ABTB2: variants seen among roughly 807,000 people sequenced by gnomAD.
The protein encoded by ABTB2 is ankyrin repeat and BTB domain containing 2.
ABTB2 carries 56 observed loss-of-function variants against 104.1 expected under a neutral mutation model. The observed-to-expected ratio is 0.54, with a 90% CI of 0.43 to 0.67. The LOEUF (loss-of-function observed/expected upper bound fraction) is 0.67, where lower values mean the gene tolerates loss of function less well. Ranked by LOEUF, ABTB2 falls within the 30% of genes least tolerant of loss-of-function variation. ABTB2 has a pLI of 0.00. For missense variants in ABTB2, 1,279 were observed against 1,407.7 expected (o/e 0.91, Z 1.46); for synonymous variants, 606 against 608.2 (o/e 1.00, Z 0.05).
At chr11:34,230,450 C>A (rs1196483359) in intron 1 of ABTB2, among the ~76,000 whole-genome samples, 1 of 152,022 alleles carries the variant, frequency 6.6e-6, no homozygotes, top group Non-Finnish European at 1.5e-5. Context: ...TTTCGGGGAG[C>A]CCTGAGGGTT....
intron 1 of ABTB2, among the ~76,000 whole-genome samples, chr11:34,225,711 C>T (rs569531577): frequency 2.6e-5 from 4 of 152,078 alleles, no homozygotes; most frequent in Admixed American, 6.5e-5. Flanking sequence ...ACCGAGATCG[C>T]GCCATTGCAC....
chr11:34,170,833 C>T, intron 5 of ABTB2, 73 bp downstream of exon 5: 1 of 1,554,052 alleles, frequency 6.4e-7, no homozygotes, highest in Non-Finnish European at 8.7e-7. Flanking sequence ...GGACAGAGGG[C>T]CGCCAATGCT....
chr11:34,211,678 G>A (rs1251958157), intron 1 of ABTB2, among the ~76,000 whole-genome samples: 1 of 152,030 alleles, frequency 6.6e-6, no homozygotes, highest in African/African-American at 2.4e-5. Flanking sequence ...AGGATCACTT[G>A]AGATCAGGCA....
At chr11:34,225,455 C>A (rs1565145602) in intron 1 of ABTB2, among the ~76,000 whole-genome samples, 1 of 152,228 alleles carries the variant, frequency 6.6e-6, no homozygotes, top group Non-Finnish European at 1.5e-5. Context: ...CTCTTCCCTT[C>A]CCTTAAAAAG....
chr11:34,230,953 C>T (rs1853762208), intron 1 of ABTB2, among the ~76,000 whole-genome samples: 1 of 152,158 alleles, frequency 6.6e-6, no homozygotes, highest in Non-Finnish European at 1.5e-5. Flanking sequence ...TCAGGCAATC[C>T]TCCCGCCTTG....
chr11:34,302,030 C>T (rs1217571627), intron 1 of ABTB2, among the ~76,000 whole-genome samples: 1 of 152,176 alleles, frequency 6.6e-6, no homozygotes, highest in Non-Finnish European at 1.5e-5. Flanking sequence ...CAGGGTATGA[C>T]ATTTGGCAAA....
At chr11:34,187,686 G>T (rs1295181683) in intron 3 of ABTB2, among the ~76,000 whole-genome samples, 7 of 152,026 alleles carry the variant, frequency 4.6e-5, no homozygotes, top group Non-Finnish European at 4.4e-5. Context: ...TAGAGATGGG[G>T]TCTCACTATT....
At chr11:34,317,579 C>T (rs1407533361) in intron 1 of ABTB2, among the ~76,000 whole-genome samples, 1 of 151,764 alleles carries the variant, frequency 6.6e-6, no homozygotes, top group Non-Finnish European at 1.5e-5. Flanking sequence ...TCAAGACCAG[C>T]CTAGGTAACA....
rs1161421769 is a variant in ABTB2 at position 34,152,408 on chromosome 11, G to C, written c.3057C>G (p.Val1019=). ...TGCCTCACACCCGGGAGGTGATGTA[G>C]ACAGAGTGCACGCGCTCTGCCAGGG... ...QNTLAERVHS[V]YITSRV Residue 1019 remains valine (V), a synonymous_variant, in exon 17 of 17, where the codon GTC becomes GTG. Coordinates refer to ENST00000435224, the MANE Select transcript of ABTB2 (RefSeq NM_145804.3). The C allele has an allele frequency of 6.3e-7, 1 of 1,577,184 alleles. No individual in the cohort carries two copies. Among genetic ancestry groups the C allele is most frequent in the Middle Eastern group, 2.3e-4 (1 of 4,412 alleles).
intron 1 of ABTB2, among the ~76,000 whole-genome samples, chr11:34,237,666 G>A (rs982880257): frequency 6.6e-6 from 1 of 152,112 alleles, no homozygotes; most frequent in African/African-American, 2.4e-5. Context: ...AGGCCAAGGT[G>A]GGCAGATCAC....
At chr11:34,237,095 G>A (rs551410832) in intron 1 of ABTB2, among the ~76,000 whole-genome samples, 43 of 152,168 alleles carry the variant, frequency 2.8e-4, no homozygotes, top group Admixed American at 1.0e-3. Context: ...ACAAGTTACC[G>A]AACCCCTCTG....
chr11:34,175,995 A>T (rs1852956488), intron 3 of ABTB2, among the ~76,000 whole-genome samples: 1 of 152,176 alleles, frequency 6.6e-6, no homozygotes, highest in South Asian at 2.1e-4. Context: ...CCCAAAAAAA[A>T]GGGGGGCTGG....
At chr11:34,273,910 T>C (rs906128579) in intron 1 of ABTB2, among the ~76,000 whole-genome samples, 1 of 151,538 alleles carries the variant, frequency 6.6e-6, no homozygotes, top group Non-Finnish European at 1.5e-5. Context: ...CCCAGCACTT[T>C]GGGAGGCCGA....
rs1379338602 is a variant in ABTB2 at position 34,232,451 on chromosome 11, A to AAAAAAAAAAG, written c.884-27762_884-27761insCTTTTTTTTT. On this transcript the variant is annotated intron_variant, in intron 1 of 16. Transcript: ENST00000435224. ...GGCAATAGAGGGAGACTCTGTCTCA[A>AAAAAAAAAAG]AAAAAAAAAAAAAAATTGTTCTTAA... 4.8e-4 allele frequency among the ~76,000 whole-genome samples: 67 copies of AAAAAAAAAAG among 139,602 alleles called. 1 individual carries two copies. The highest frequency in any genetic ancestry group is 1.8e-3 in the African/African-American group (62 of 34,828). The allele number at this position is 139,602 out of a possible 152,430, so 91.6% of individuals were successfully genotyped here.
intron 1 of ABTB2, among the ~76,000 whole-genome samples, chr11:34,228,777 T>A (rs559899640): frequency 2.0e-5 from 3 of 152,284 alleles, no homozygotes; most frequent in Admixed American, 2.0e-4. Context: ...TTTCTCCACA[T>A]CCTCACCAAC....
intron 2 of ABTB2, 118 bp downstream of exon 2, chr11:34,204,426 G>T: frequency 8.1e-7 from 1 of 1,230,306 alleles, no homozygotes; most frequent in Non-Finnish European, 1.1e-6. Context: ...CAAGGCACTT[G>T]GAGGAGGAGG....
intron 1 of ABTB2, among the ~76,000 whole-genome samples, chr11:34,213,217 C>A (rs886077737): frequency 6.6e-6 from 1 of 152,216 alleles, no homozygotes. Flanking sequence ...GTGGCTCACG[C>A]CTGTAATCCC....
chr11:34,348,578 C>T (rs1022941709), intron 1 of ABTB2, among the ~76,000 whole-genome samples: 1 of 152,170 alleles, frequency 6.6e-6, no homozygotes, highest in Non-Finnish European at 1.5e-5. Context: ...AAATCACTGG[C>T]ACACCTGCCA....
intron 1 of ABTB2, among the ~76,000 whole-genome samples, chr11:34,256,061 C>G (rs1854118667): frequency 2.0e-5 from 3 of 152,084 alleles, no homozygotes. Flanking sequence ...ACAAAACACC[C>G]TGGCACTAGC....
Sources: gnomAD v4.1 joint callset for allele counts (sites outside exome capture counted in the v4.1 genomes callset) on GRCh38, gnomAD v4.1.1 for gene constraint, MANE v1.5 for transcripts, NCBI Gene and HGNC (gene_info 2026-07-23, HGNC 2026-07-21) for gene names.